Variants in GRK5 observed in about 807,000 individuals in gnomAD.
GRK5 encodes the protein G protein-coupled receptor kinase 5, also known as g protein-coupled receptor kinase GRK5.
In GRK5, 40 loss-of-function variants were observed where a neutral mutation model predicts 78.4. That is an observed-to-expected ratio of 0.51 (90% CI 0.40 to 0.66). The LOEUF is 0.66. Ranked by LOEUF, GRK5 falls within the 30% of genes least tolerant of loss-of-function variation. The pLI is 0.00. For missense variants in GRK5, 598 were observed against 759.9 expected, an observed-to-expected ratio of 0.79 and a Z score of 2.50; for synonymous variants, 289 against 296.8, an observed-to-expected ratio of 0.97 and a Z score of 0.27.
At chr10:119,371,199 G>T (rs1390735980) in intron 2 of GRK5, among the ~76,000 whole-genome samples, 1 of 152,138 alleles carries the variant, frequency 6.6e-6, no homozygotes, top group Non-Finnish European at 1.5e-5. Context: ...CCCGCACCCG[G>T]GCTGCAGCTT....
chr10:119,234,761 C>T (rs34084170), intron 1 of GRK5, among the ~76,000 whole-genome samples: 28,857 of 151,632 alleles, frequency 0.19, 3,634 homozygotes, highest in African/African-American at 0.37. Context: ...GGCACGATCT[C>T]GGCTCACTGC....
At chr10:119,391,456 G>T (rs1851886712) in intron 3 of GRK5, among the ~76,000 whole-genome samples, 2 of 152,244 alleles carry the variant, frequency 1.3e-5, no homozygotes, top group Non-Finnish European at 2.9e-5. Context: ...GAATGGAGGA[G>T]TTTAATGAGG....
chr10:119,452,942 A>G lies in GRK5; in HGVS notation c.1542+134A>G. The G allele has an allele frequency of 8.6e-7, 1 of 1,161,388 alleles. No homozygotes were observed. Among genetic ancestry groups the G allele is most frequent in the Non-Finnish European group, 1.2e-6 (1 of 800,362 alleles). 71.9% of individuals were successfully genotyped at this position (1,161,388 alleles called of 1,614,324 possible). ...TCTGTTTTCTCCATGAAGGCAGCAC[A>G]CAAAAGCTGTCAGTGGCCAAGTAGG... On this transcript the variant is annotated intron_variant, in intron 14 of 15. Coordinates refer to ENST00000392870, the MANE Select transcript of GRK5 (RefSeq NM_005308.3). The surrounding 1 kb of genome is among the most constrained non-coding windows in gnomAD (Gnocchi z 4.4).
intron 1 of GRK5, among the ~76,000 whole-genome samples, chr10:119,287,846 G>A (rs930568243): frequency 6.6e-6 from 1 of 152,196 alleles, no homozygotes; most frequent in Non-Finnish European, 1.5e-5. Context: ...CATAGAGGAC[G>A]CTGAGGCTTT....
At chr10:119,266,069 C>T (rs1479697337) in intron 1 of GRK5, among the ~76,000 whole-genome samples, 1 of 152,220 alleles carries the variant, frequency 6.6e-6, no homozygotes, top group Non-Finnish European at 1.5e-5. Flanking sequence ...CCCCAGAAGG[C>T]TGTCCTGAGG....
intron 1 of GRK5, among the ~76,000 whole-genome samples, chr10:119,276,017 T>C (rs1431738407): frequency 2.0e-5 from 3 of 152,174 alleles, no homozygotes; most frequent in Non-Finnish European, 4.4e-5. Context: ...GTGTCCTTCC[T>C]CCTCTGTTTG....
At chr10:119,389,391 G>T (rs1336993715) in intron 3 of GRK5, among the ~76,000 whole-genome samples, 1 of 152,268 alleles carries the variant, frequency 6.6e-6, no homozygotes, top group Non-Finnish European at 1.5e-5. Context: ...AATGGGAAGA[G>T]TGGAGGGTGC....
At chr10:119,416,785 G>A (rs984084045) in intron 4 of GRK5, among the ~76,000 whole-genome samples, 1 of 152,104 alleles carries the variant, frequency 6.6e-6, no homozygotes, top group South Asian at 2.1e-4. Context: ...GTAGAGATGG[G>A]GTTTCACCAT....
intron 2 of GRK5, among the ~76,000 whole-genome samples, chr10:119,367,013 G>A (rs1589767534): frequency 6.6e-6 from 1 of 152,172 alleles, no homozygotes; most frequent in East Asian, 1.9e-4. Flanking sequence ...CTGTTGTGAG[G>A]ATTGCATGAG....
At chr10:119,424,918 G>T in intron 5 of GRK5, 75 bp from the exon 6 acceptor site, 1 of 1,061,806 alleles carries the variant, frequency 9.4e-7, no homozygotes, top group Non-Finnish European at 1.5e-6. Context: ...CATTTCCAAA[G>T]CTGGACACAG....
chr10:119,231,858 A>G (rs1409075918), intron 1 of GRK5, among the ~76,000 whole-genome samples: 1 of 152,220 alleles, frequency 6.6e-6, no homozygotes, highest in Admixed American at 6.5e-5. Context: ...TGTAGAGAAA[A>G]GGGAACTCAT....
Position 119,423,229 on chromosome 10 carries a change from C to T in GRK5, c.403C>T (p.Gln135Ter), listed in dbSNP as rs1418002514. 6.2e-7 allele frequency: 1 copy of T among 1,614,140 alleles called. No individual in the cohort carries two copies. Among genetic ancestry groups the T allele is most frequent in the Admixed American group, 1.7e-5 (1 of 60,024 alleles). Residue 135 changes from glutamine to a stop codon, truncating the protein, a stop_gained, in exon 5 of 16, where the codon CAG becomes TAG. Transcript: ENST00000392870. LOFTEE classifies it high-confidence loss of function. ...CTCCCAGACGGAGGAGAAGCTCCTA[C>T]AGAAGCCGTGCAAAGAACTCTTTTC... ...LVSQTEEKLL[Q>*]KPCKELFSAC...
intron 1 of GRK5, among the ~76,000 whole-genome samples, chr10:119,220,831 A>G (rs1848646216): frequency 1.5e-5 from 2 of 136,662 alleles, no homozygotes; most frequent in African/African-American, 5.5e-5. Flanking sequence ...GCTCAAAAAA[A>G]AAAAAAATTT....
intron 6 of GRK5, among the ~76,000 whole-genome samples, chr10:119,429,196 G>A (rs1465588506): frequency 2.0e-5 from 3 of 152,188 alleles, no homozygotes; most frequent in East Asian, 1.9e-4. Context: ...GCCATGGCAC[G>A]CAAATTCAAG....
chr10:119,312,892 A>G (rs1850383941), intron 1 of GRK5, among the ~76,000 whole-genome samples: 1 of 5,140 alleles, frequency 1.9e-4, no homozygotes, highest in South Asian at 3.3e-3. Flanking sequence ...CTGTGTCCTC[A>G]GTTCTCTCAC....
chr10:119,346,949 T>TA (rs2133793060), intron 2 of GRK5, among the ~76,000 whole-genome samples: 1 of 152,318 alleles, frequency 6.6e-6, no homozygotes, highest in South Asian at 2.1e-4. Context: ...AAGTAAGTCT[T>TA]ACGGAGATTA....
Position 119,441,981 on chromosome 10 carries a change from C to T in GRK5, c.968-18C>T. The T allele has an allele frequency of 2.5e-6, 4 of 1,607,446 alleles. No individual in the cohort carries two copies. In the South Asian group the frequency reaches 3.3e-5, roughly 13 times the overall value. On this transcript the variant is annotated intron_variant, in intron 10 of 15. Transcript: ENST00000392870. ...TGCGGCTGTCCCAGGGACCCACTGA[C>T]CCTGCTGTCCCCCTCAGGCCACATT...
intron 2 of GRK5, chr10:119,334,771 T>C (rs1850845215): frequency 6.6e-6 from 1 of 151,990 alleles, no homozygotes; most frequent in South Asian, 2.1e-4. Flanking sequence ...GTAGGAACTG[T>C]CCAAAAGCTA....
chr10:119,300,551 C>G (rs940873735), intron 1 of GRK5, among the ~76,000 whole-genome samples: 3 of 152,280 alleles, frequency 2.0e-5, no homozygotes, highest in South Asian at 2.1e-4. Flanking sequence ...CTCTTTCCCC[C>G]AGATAGTCGC....
Sources: gnomAD v4.1 joint callset for allele counts (sites outside exome capture counted in the v4.1 genomes callset) on GRCh38, gnomAD v4.1.1 for gene constraint, Gnocchi (gnomAD v3.1) non-coding constraint, MANE v1.5 for transcripts, NCBI Gene and HGNC (gene_info 2026-07-23, HGNC 2026-07-21) for gene names.